PPP1R1C: variants seen among roughly 807,000 people sequenced by gnomAD.
The protein encoded by PPP1R1C is protein phosphatase 1 regulatory inhibitor subunit 1C.
In PPP1R1C, 15 loss-of-function variants were observed where a neutral mutation model predicts 17.4. The ratio of observed to expected loss-of-function variants is 0.86; its 90% CI spans 0.58 to 1.33. The LOEUF (loss-of-function observed/expected upper bound fraction) is 1.33, where lower values mean the gene tolerates loss of function less well. Ranked by LOEUF, PPP1R1C falls within the 40% of genes most tolerant of loss-of-function variation. The pLI, the probability that PPP1R1C is intolerant of heterozygous loss-of-function variation, is 0.00. For synonymous variants in PPP1R1C, 35 were observed against 43.1 expected, an observed-to-expected ratio of 0.81 and a Z score of 0.73; for missense variants, 143 against 130.0, an observed-to-expected ratio of 1.10 and a Z score of -0.48.
chr2:182,061,991 A>G (rs1293791335), intron 3 of PPP1R1C, among the ~76,000 whole-genome samples: 4 of 152,100 alleles, frequency 2.6e-5, no homozygotes, highest in African/African-American at 7.2e-5. Flanking sequence ...GTCACTCTCT[A>G]TTCCCTCCAC....
chr2:182,065,410 T>C (rs1574423038), intron 4 of PPP1R1C, among the ~76,000 whole-genome samples: 1 of 152,164 alleles, frequency 6.6e-6, no homozygotes, highest in East Asian at 1.9e-4. Flanking sequence ...TGGTAACATA[T>C]GGCATCTTGT....
chr2:182,128,162 T>C (rs1268579276), intron 5 of PPP1R1C, among the ~76,000 whole-genome samples: 1 of 152,104 alleles, frequency 6.6e-6, no homozygotes, highest in Non-Finnish European at 1.5e-5. Context: ...TAATAAGAAG[T>C]GAGAGTCCTT....
intron 2 of PPP1R1C, among the ~76,000 whole-genome samples, chr2:181,993,942 G>A (rs929258448): frequency 1.3e-5 from 2 of 152,004 alleles, no homozygotes; most frequent in African/African-American, 4.8e-5. Context: ...TTCAAAGATG[G>A]CCCAGCTTTT....
chr2:181,981,858 G>T (rs1231690491), upstream of PPP1R1C, among the ~76,000 whole-genome samples: 1 of 152,110 alleles, frequency 6.6e-6, no homozygotes, highest in Non-Finnish European at 1.5e-5. Flanking sequence ...TTGCATTAGG[G>T]CTAGAAATCT....
upstream of PPP1R1C, among the ~76,000 whole-genome samples, chr2:181,985,141 C>T (rs1685265659): frequency 6.6e-6 from 1 of 152,210 alleles, no homozygotes; most frequent in South Asian, 2.1e-4. This position sits in a 1 kb window ranked among gnomAD's most constrained non-coding sequence, Gnocchi z 4.1. Context: ...TAACTGGCTC[C>T]ACCAGGAAAT....
chr2:182,039,875 A>G (rs767803792), intron 2 of PPP1R1C, among the ~76,000 whole-genome samples: 3 of 152,168 alleles, frequency 2.0e-5, no homozygotes, highest in Non-Finnish European at 4.4e-5. Flanking sequence ...CCCATAGCTT[A>G]TCTCCAATTA....
chr2:182,086,262 G>A lies in PPP1R1C; in HGVS notation c.241+22471G>A, dbSNP rs533901567. On this transcript the variant is annotated intron_variant, in intron 4 of 4. Transcript: ENST00000682840. ...TTTAAAGGAAAGATGAATAAAAGTTGTAAACAGGCAATTTATAGAAAAATG... is the reference window on the plus strand; with the variant it reads ...TTTAAAGGAAAGATGAATAAAAGTTATAAACAGGCAATTTATAGAAAAATG... Among the ~76,000 whole-genome samples, 16 of 152,152 alleles carry A rather than the reference G, an allele frequency of 1.1e-4. No homozygotes were observed. In the South Asian group the frequency reaches 2.9e-3, roughly 28 times the overall value.
At chr2:182,093,398 GAA>G (rs1349639964) in intron 4 of PPP1R1C, among the ~76,000 whole-genome samples, 20 of 152,318 alleles carry the variant, frequency 1.3e-4, no homozygotes, top group Admixed American at 4.6e-4. Flanking sequence ...AAAGGCTGCT[GAA>G]AAGACTTCTG....
At chr2:182,125,821 A>G (rs1005672500) in intron 5 of PPP1R1C, among the ~76,000 whole-genome samples, 2 of 152,052 alleles carry the variant, frequency 1.3e-5, no homozygotes, top group Admixed American at 6.6e-5. Context: ...CAGTCTATCT[A>G]TTTTGTTAAT....
intron 2 of PPP1R1C, among the ~76,000 whole-genome samples, chr2:182,013,821 C>T (rs150310640): frequency 1.4e-4 from 21 of 152,292 alleles, no homozygotes; most frequent in African/African-American, 4.6e-4. Context: ...TATTAAGAGA[C>T]TCAGATATGT....
At position 181,962,364 on chromosome 2, in the gene PPP1R1C, C is replaced by T. The variant is rs750477635; in HGVS notation, n.111+7730C>T. On this transcript the variant is annotated intron_variant and non_coding_transcript_variant, in intron 1 of 5. Coordinates refer to the PPP1R1C transcript ENST00000464264. This position sits in a 1 kb window ranked among gnomAD's most constrained non-coding sequence, Gnocchi z 6.0. ...GATATCCGGGAACCAGAGCCCCCGG[C>T]GCCTGCATAGACGCTGGCCATGCAG... is the stretch of plus-strand genomic sequence containing the variant. 1.3e-5 allele frequency: 12 copies of T among 920,430 alleles called. No individual in the cohort carries two copies. Among genetic ancestry groups the T allele is most frequent in the Non-Finnish European group, 1.9e-5 (11 of 580,110 alleles). 57.0% of individuals were successfully genotyped at this position (920,430 alleles called of 1,614,324 possible). A position where few individuals can be genotyped will look rare whatever the true frequency, so the allele number is the denominator to read the frequency against.
chr2:182,003,401 T>C (rs2125150668), intron 2 of PPP1R1C, among the ~76,000 whole-genome samples: 1 of 152,248 alleles, frequency 6.6e-6, no homozygotes, highest in Non-Finnish European at 1.5e-5. Flanking sequence ...AAACCTTTGA[T>C]AGAATTTTTT....
chr2:182,005,611 G>A (rs769204449), intron 2 of PPP1R1C, among the ~76,000 whole-genome samples: 1 of 152,120 alleles, frequency 6.6e-6, no homozygotes, highest in Non-Finnish European at 1.5e-5. Context: ...GTAACTAGGG[G>A]CATCTGTTAT....
intron 2 of PPP1R1C, among the ~76,000 whole-genome samples, chr2:182,044,894 T>G (rs1467677156): frequency 6.6e-6 from 1 of 152,218 alleles, no homozygotes; most frequent in East Asian, 1.9e-4. Flanking sequence ...TATTTTTCTC[T>G]TTTATCACCA....
intron 4 of PPP1R1C, among the ~76,000 whole-genome samples, chr2:182,085,516 A>C (rs1409261157): frequency 6.6e-6 from 1 of 152,162 alleles, no homozygotes; most frequent in Non-Finnish European, 1.5e-5. Flanking sequence ...GAACGTGAAT[A>C]TGGGTGCCAA....
chr2:181,993,921 T>C (rs1009612375), intron 2 of PPP1R1C, among the ~76,000 whole-genome samples: 3 of 152,074 alleles, frequency 2.0e-5, no homozygotes, highest in Admixed American at 6.5e-5. Context: ...GAAAGGGACC[T>C]GCATTTCTTA....
At chr2:182,084,432 T>C (rs952903105) in intron 4 of PPP1R1C, among the ~76,000 whole-genome samples, 1 of 152,130 alleles carries the variant, frequency 6.6e-6, no homozygotes, top group Admixed American at 6.5e-5. Context: ...CCAATTTGAG[T>C]TGATTTTTGT....
rs568701152 is a variant in PPP1R1C at position 181,955,123 on chromosome 2, G to T, written n.111+489G>T. Among the ~76,000 whole-genome samples, 3 of 152,250 alleles carry T rather than the reference G, an allele frequency of 2.0e-5. No individual in the cohort carries two copies. In the South Asian group the frequency reaches 6.2e-4, roughly 32 times the overall value. On this transcript the variant is annotated intron_variant and non_coding_transcript_variant, in intron 1 of 5. Coordinates refer to the PPP1R1C transcript ENST00000464264. ...CGTGTTTATAAAATATTCTAAGATG[G>T]CCAGATGAAAAGTGTGACTCACAGG...
chr2:181,968,389 A>G (rs1270030193), intron 1 of PPP1R1C, among the ~76,000 whole-genome samples: 1 of 152,188 alleles, frequency 6.6e-6, no homozygotes, highest in Admixed American at 6.5e-5. Flanking sequence ...GGTTGGGTTT[A>G]TACGTTTATA....
Sources: gnomAD v4.1 joint callset for allele counts (sites outside exome capture counted in the v4.1 genomes callset) on GRCh38, gnomAD v4.1.1 for gene constraint, Gnocchi (gnomAD v3.1) non-coding constraint, MANE v1.5 for transcripts, NCBI Gene and HGNC (gene_info 2026-07-23, HGNC 2026-07-21) for gene names.